The following PARD6G variants were observed in gnomAD, a reference collection of about 807,000 sequenced individuals.
PARD6G encodes par-6 family cell polarity regulator gamma.
In PARD6G, 7 loss-of-function variants were observed where a neutral mutation model predicts 10.7. The observed-to-expected ratio is 0.66, with a 90% CI of 0.37 to 1.23. The LOEUF is 1.23. Among genes scored for constraint, PARD6G ranks in the 50% most tolerant of loss-of-function variants. PARD6G has a pLI of 0.02. For missense variants in PARD6G, 548 were observed against 571.8 expected (o/e 0.96, Z 0.42); for synonymous variants, 287 against 269.4 (o/e 1.07, Z -0.64).
In PARD6G at chr18:80,201,262, C is replaced by T. The variant is rs1967004696; in HGVS notation, c.295+1448G>A. 6.6e-6 allele frequency among the ~76,000 whole-genome samples: 1 copy of T among 152,152 alleles called. No individual in the cohort carries two copies. The highest frequency in any genetic ancestry group is 1.5e-5 in the Non-Finnish European group (1 of 68,030). On this transcript the variant is annotated intron_variant, in intron 2 of 2. Coordinates refer to ENST00000353265, the MANE Select transcript of PARD6G (RefSeq NM_032510.4). The surrounding 1 kb of genome is among the most constrained non-coding windows in gnomAD (Gnocchi z 5.9). ...TGAGAAGGCAGCCTGTGAACAGATA[C>T]AGACACCCAGGCAATGTGAAGGGGT...
At chr18:80,162,628 G>A (rs1446911312) in intron 2 of PARD6G, 1 of 169,262 alleles carries the variant, frequency 5.9e-6, no homozygotes, top group African/African-American at 2.4e-5. Flanking sequence ...TCCCTGCCCT[G>A]AAGTAGCCAT....
intron 1 of PARD6G, among the ~76,000 whole-genome samples, chr18:80,225,425 G>T (rs924586918): frequency 1.3e-5 from 2 of 152,090 alleles, no homozygotes; most frequent in African/African-American, 4.8e-5. Context: ...GCACATACAT[G>T]ATTTTTAATC....
At chr18:80,168,814 T>G (rs2052754330) in intron 2 of PARD6G, 1 of 168,744 alleles carries the variant, frequency 5.9e-6, no homozygotes, top group Non-Finnish European at 1.5e-5. Context: ...ATTTCTATTT[T>G]GAAGTATCCG....
At chr18:80,245,519 T>C (rs894292333) in intron 1 of PARD6G, among the ~76,000 whole-genome samples, 2 of 152,038 alleles carry the variant, frequency 1.3e-5, no homozygotes, top group Non-Finnish European at 2.9e-5. Context: ...CTAAGGTCTG[T>C]GTCCAGGATA....
chr18:80,191,157 G>C (rs1221345044), intron 2 of PARD6G, among the ~76,000 whole-genome samples: 2 of 152,334 alleles, frequency 1.3e-5, no homozygotes, highest in East Asian at 3.9e-4. Context: ...TAGGCAGGAA[G>C]GTCAGTGAAG....
chr18:80,161,451 G>C lies in PARD6G; in HGVS notation c.296-845C>G, dbSNP rs968219048. Among the ~76,000 whole-genome samples, 1 of 152,120 alleles carries C rather than the reference G, an allele frequency of 6.6e-6. No individual in the cohort carries two copies. The highest frequency in any genetic ancestry group is 1.5e-5 in the Non-Finnish European group (1 of 68,028). On this transcript the variant is annotated intron_variant, in intron 2 of 2. Transcript: ENST00000353265. The surrounding 1 kb of genome is among the most constrained non-coding windows in gnomAD (Gnocchi z 4.6). ...AAGTTGGGCTACTGCAAAATAAAAT[G>C]AAAGTCCACTGAATTAATCAAGCAG...
chr18:80,224,651 A>T (rs139852442), intron 1 of PARD6G, among the ~76,000 whole-genome samples: 2,074 of 152,264 alleles, frequency 0.014, 43 homozygotes, highest in African/African-American at 0.037. Flanking sequence ...TTCAAGACCA[A>T]CCTGGCTAAC....
At chr18:80,185,185 C>CA (rs2052867483) in intron 2 of PARD6G, among the ~76,000 whole-genome samples, 1 of 152,228 alleles carries the variant, frequency 6.6e-6, no homozygotes, top group Non-Finnish European at 1.5e-5. Flanking sequence ...GTTACCAGCA[C>CA]ATCCCTTGCT....
chr18:80,242,911 G>C (rs1967505701), intron 1 of PARD6G, among the ~76,000 whole-genome samples: 1 of 152,082 alleles, frequency 6.6e-6, no homozygotes, highest in Non-Finnish European at 1.5e-5. Flanking sequence ...AAGAAGAAAG[G>C]GATGGGGAGA....
At chr18:80,242,142 C>T in intron 1 of PARD6G, among the ~76,000 whole-genome samples, 1 of 152,126 alleles carries the variant, frequency 6.6e-6, no homozygotes, top group East Asian at 1.9e-4. Flanking sequence ...GCAGTGACGC[C>T]ATCAGTGCCC....
intron 1 of PARD6G, among the ~76,000 whole-genome samples, chr18:80,215,701 T>C (rs1239695723): frequency 6.6e-6 from 1 of 151,700 alleles, no homozygotes; most frequent in East Asian, 1.9e-4. Context: ...AAGAAAGCAA[T>C]AATGGAGAGC....
chr18:80,232,725 T>A (rs548032956), intron 1 of PARD6G, among the ~76,000 whole-genome samples: 39 of 152,148 alleles, frequency 2.6e-4, no homozygotes, highest in Admixed American at 2.2e-3. Context: ...CTGCCCCATC[T>A]CCACCAGACA....
intron 2 of PARD6G, among the ~76,000 whole-genome samples, chr18:80,190,268 C>T (rs983917032): frequency 1.2e-4 from 5 of 41,942 alleles, no homozygotes; most frequent in Non-Finnish European, 3.1e-4. Flanking sequence ...TCCTGTGCAC[C>T]GGCAAACAAT....
rs539777265 is a variant in PARD6G at position 80,246,446 on chromosome 18, C to A, written c.72+831G>T. ...GCGACCCGCAAGTTCGGGCACGCTC[C>A]GCCCGGGCGCAGGCAGCGGGAGGGG... On this transcript the variant is annotated intron_variant, in intron 1 of 2. Coordinates refer to ENST00000353265, the MANE Select transcript of PARD6G (RefSeq NM_032510.4). The surrounding 1 kb of genome is among the most constrained non-coding windows in gnomAD (Gnocchi z 6.7). 4.6e-5 allele frequency among the ~76,000 whole-genome samples: 7 copies of A among 152,284 alleles called. No individual in the cohort carries two copies. The South Asian group carries it at 1.4e-3, about 32-fold the overall frequency.
chr18:80,215,426 A>G (rs1463762708), intron 1 of PARD6G, among the ~76,000 whole-genome samples: 2 of 152,194 alleles, frequency 1.3e-5, no homozygotes. Context: ...GCAGAAAACA[A>G]TAATTATAAA....
intron 1 of PARD6G, among the ~76,000 whole-genome samples, chr18:80,245,291 C>T (rs1306263882): frequency 3.9e-5 from 6 of 152,150 alleles, no homozygotes; most frequent in African/African-American, 1.4e-4. Context: ...TGTGAGGAGG[C>T]AGCCACCCTC....
chr18:80,172,150 G>A (rs185151871), intron 2 of PARD6G, among the ~76,000 whole-genome samples: 1 of 152,278 alleles, frequency 6.6e-6, no homozygotes, highest in Non-Finnish European at 1.5e-5. Context: ...ATTCCCCCCA[G>A]CAGTTCTGAG....
At chr18:80,165,155 G>A (rs1187477937) in intron 2 of PARD6G, among the ~76,000 whole-genome samples, 1 of 152,180 alleles carries the variant, frequency 6.6e-6, no homozygotes, top group Non-Finnish European at 1.5e-5. Flanking sequence ...TGAAGGTTCT[G>A]CAGGAGACCA....
In PARD6G at chr18:80,180,550, C is replaced by T. The variant is rs1046644325; in HGVS notation, c.296-19944G>A. Among the ~76,000 whole-genome samples, 3 of 152,136 alleles carry T rather than the reference C, an allele frequency of 2.0e-5. No individual in the cohort carries two copies. The highest frequency in any genetic ancestry group is 6.5e-5 in the Admixed American group (1 of 15,272). On this transcript the variant is annotated intron_variant, in intron 2 of 2. Transcript: ENST00000353265. The surrounding 1 kb of genome is among the most constrained non-coding windows in gnomAD (Gnocchi z 5.6). ...TCCTTGCTCTCTGCCGGGCACACTG[C>T]GGCCTCTGGGTGTTTTCAGAACGGC...
Sources: allele counts gnomAD v4.1 joint callset (sites outside exome capture counted in the v4.1 genomes callset), GRCh38; gene constraint gnomAD v4.1.1; non-coding constraint Gnocchi (gnomAD v3.1); transcripts MANE v1.5; gene names NCBI Gene and HGNC (gene_info 2026-07-23, HGNC 2026-07-21).